The following COL21A1 variants were observed in gnomAD, a reference collection of about 807,000 sequenced individuals.
COL21A1 encodes collagen alpha-1(XXI) chain.
COL21A1 carries 149 observed loss-of-function variants against 137.9 expected under a neutral mutation model. That is an observed-to-expected ratio of 1.08 (90% CI 0.95 to 1.24). COL21A1 has a LOEUF of 1.24. Among genes scored for constraint, COL21A1 ranks in the 50% most tolerant of loss-of-function variants. The probability of loss-of-function intolerance (pLI) is 0.00; values close to 1 mark genes in which losing one functional copy is unlikely to be tolerated. For missense variants in COL21A1, 1,167 were observed against 1,158.4 expected, an observed-to-expected ratio of 1.01 and a Z score of -0.11; for synonymous variants, 456 against 391.5, an observed-to-expected ratio of 1.16 and a Z score of -1.95.
intron 10 of COL21A1, among the ~76,000 whole-genome samples, chr6:56,147,731 T>C (rs905318225): frequency 6.6e-6 from 1 of 152,118 alleles, no homozygotes; most frequent in African/African-American, 2.4e-5. Context: ...TTAAGTGACA[T>C]GTGAGATAAA....
chr6:56,386,279 A>G (rs2094018074), intron 1 of COL21A1, among the ~76,000 whole-genome samples: 1 of 152,042 alleles, frequency 6.6e-6, no homozygotes, highest in South Asian at 2.1e-4. Context: ...ATAATACCCC[A>G]TTGTAGGGCT....
intron 21 of COL21A1, among the ~76,000 whole-genome samples, chr6:56,069,894 C>T (rs1028626261): frequency 3.3e-5 from 5 of 151,162 alleles, no homozygotes; most frequent in African/African-American, 1.2e-4. Flanking sequence ...TATTTATTTA[C>T]ATATGTGGAA....
Position 56,207,723 on chromosome 6 carries a change from C to T in COL21A1, c.-38-25067G>A, listed in dbSNP as rs530037075. On this transcript the variant is annotated intron_variant, in intron 1 of 29. Coordinates refer to ENST00000244728, the MANE Select transcript of COL21A1 (RefSeq NM_030820.4). ...TCCTGATACCAAAACCTGGCAGAGA[C>T]ACAACAAAAAAAGAAAATTTCAGGT... Among the ~76,000 whole-genome samples the T allele has an allele frequency of 6.6e-5, 10 of 152,174 alleles. No homozygotes were observed. The East Asian group carries it at 1.9e-3, about 29-fold the overall frequency.
At chr6:56,138,177 C>T (rs1255861871) in intron 12 of COL21A1, among the ~76,000 whole-genome samples, 6 of 151,884 alleles carry the variant, frequency 4.0e-5, no homozygotes, top group Admixed American at 3.9e-4. Flanking sequence ...TGTAACAACT[C>T]CAAGTTTCTC....
chr6:56,132,765 G>A (rs1381705444), intron 12 of COL21A1, among the ~76,000 whole-genome samples: 1 of 152,116 alleles, frequency 6.6e-6, no homozygotes, highest in Non-Finnish European at 1.5e-5. Flanking sequence ...TGAATCATAG[G>A]GGCGGGTCTT....
chr6:56,182,670 A>G lies in COL21A1; in HGVS notation c.-38-14T>C. ...GTTTTAGGATTCCTAGGGGGAAAAA[A>G]AAGGCAAGTTAAATATATTAATTAA... On this transcript the variant is annotated splice_polypyrimidine_tract_variant and intron_variant, in intron 1 of 29. Transcript: ENST00000244728. The G allele has an allele frequency of 1.7e-6, 2 of 1,176,540 alleles. No homozygotes were observed. Among genetic ancestry groups the G allele is most frequent in the Admixed American group, 4.2e-5 (2 of 47,348 alleles). 72.9% of individuals were successfully genotyped at this position (1,176,540 alleles called of 1,614,324 possible).
Position 56,179,939 on chromosome 6 carries a change from G to C in COL21A1, c.279C>G (p.Ser93Arg). ...CCGTCAAATGTTCTCCTGAATCATA[G>C]CTTCCGAGAGGAATCTCCAGCACAG... ...DYPVLEIPLG[S>R]YDSGEHLTAA... The change falls in exon 3 of 30, where the codon AGC becomes AGG. Residue 93 changes from serine to arginine, a missense_variant. Ser to Arg is a moderately radical substitution (Grantham distance 110). Coordinates refer to ENST00000244728, the MANE Select transcript of COL21A1 (RefSeq NM_030820.4). 1 of 1,613,866 alleles carries C rather than the reference G, an allele frequency of 6.2e-7. No individual in the cohort carries two copies. Among genetic ancestry groups the C allele is most frequent in the Non-Finnish European group, 8.5e-7 (1 of 1,179,850 alleles).
intron 10 of COL21A1, among the ~76,000 whole-genome samples, chr6:56,142,758 T>C (rs1366159074): frequency 1.3e-5 from 2 of 152,230 alleles, no homozygotes; most frequent in East Asian, 1.9e-4. Flanking sequence ...CCTACAAACA[T>C]AATAACCACT....
At chr6:56,097,440 T>A (rs770228071) in intron 17 of COL21A1, among the ~76,000 whole-genome samples, 2 of 151,888 alleles carry the variant, frequency 1.3e-5, no homozygotes, top group Non-Finnish European at 2.9e-5. Flanking sequence ...TCTCCCCAAC[T>A]AGGCTGTAAG....
At chr6:56,328,874 C>A (rs1466652481) in intron 1 of COL21A1, among the ~76,000 whole-genome samples, 1 of 152,028 alleles carries the variant, frequency 6.6e-6, no homozygotes, top group East Asian at 1.9e-4. Flanking sequence ...CTCCTAACAC[C>A]ATGACCACTT....
chr6:56,219,011 G>A (rs1179303055), intron 1 of COL21A1, among the ~76,000 whole-genome samples: 1 of 151,850 alleles, frequency 6.6e-6, no homozygotes, highest in Non-Finnish European at 1.5e-5. Flanking sequence ...TCAATAAGTG[G>A]GTGCCTCATG....
chr6:56,281,862 C>G (rs1763792888), intron 1 of COL21A1, among the ~76,000 whole-genome samples: 1 of 152,122 alleles, frequency 6.6e-6, no homozygotes, highest in African/African-American at 2.4e-5. Context: ...TAACTCATCA[C>G]CACAAGAAGA....
At position 56,291,933 on chromosome 6, in the gene COL21A1, C is replaced by T. The variant is rs192768092; in HGVS notation, c.-39+102038G>A. 4.3e-4 allele frequency among the ~76,000 whole-genome samples: 65 copies of T among 152,206 alleles called. No homozygotes were observed. The East Asian group carries it at 0.012, about 29-fold the overall frequency. ...CTGTAATCCCAGCACTTTGGGAGGC[C>T]AAGGTGGGCAGATCACCTGAGTTTT... is the stretch of plus-strand genomic sequence containing the variant. On this transcript the variant is annotated intron_variant, in intron 1 of 28. Coordinates refer to the COL21A1 transcript ENST00000370819.
chr6:56,292,691 G>A (rs1047701671), intron 1 of COL21A1, among the ~76,000 whole-genome samples: 2 of 152,142 alleles, frequency 1.3e-5, no homozygotes, highest in African/African-American at 4.8e-5. Context: ...GACCTTCTTA[G>A]GGGCATCAGC....
At chr6:56,166,574 C>G (rs970298523) in intron 7 of COL21A1, among the ~76,000 whole-genome samples, 13 of 152,146 alleles carry the variant, frequency 8.5e-5, no homozygotes, top group Admixed American at 7.9e-4. Context: ...ATTTCTTGAA[C>G]CCAGACGCGG....
intron 16 of COL21A1, among the ~76,000 whole-genome samples, chr6:56,107,815 G>C (rs1001700514): frequency 1.3e-5 from 2 of 152,084 alleles, no homozygotes; most frequent in African/African-American, 4.8e-5. Context: ...GTGGAATATT[G>C]GTAAAGGTGC....
intron 1 of COL21A1, among the ~76,000 whole-genome samples, chr6:56,327,162 T>G (rs1765115409): frequency 7.5e-6 from 1 of 134,078 alleles, no homozygotes; most frequent in South Asian, 2.4e-4. Flanking sequence ...TCTAAAACTC[T>G]AATTATTTTT....
chr6:56,258,391 G>C (rs1375966693), intron 1 of COL21A1, among the ~76,000 whole-genome samples: 1 of 151,976 alleles, frequency 6.6e-6, no homozygotes, highest in Non-Finnish European at 1.5e-5. Flanking sequence ...CCCTGAACTT[G>C]CACTATAACA....
chr6:56,210,863 G>A (rs1023910942), intron 1 of COL21A1, among the ~76,000 whole-genome samples: 3 of 151,800 alleles, frequency 2.0e-5, no homozygotes, highest in African/African-American at 7.3e-5. Flanking sequence ...AACTTAAGAG[G>A]CATCAATTAC....
Sources: allele counts gnomAD v4.1 joint callset (sites outside exome capture counted in the v4.1 genomes callset), GRCh38; gene constraint gnomAD v4.1.1; transcripts MANE v1.5; gene names NCBI Gene and HGNC (gene_info 2026-07-23, HGNC 2026-07-21).